KCNQ1OT1: variants seen among roughly 807,000 people sequenced by gnomAD.
The protein encoded by KCNQ1OT1 is KCNQ1 opposite strand/antisense transcript 1, also known as KCNQ1 antisense RNA 2 (non-protein coding).
At position 2,621,451 on chromosome 11, in the gene KCNQ1OT1, T is replaced by G; in HGVS notation, n.78544A>C. ...TTATGGATTCTGGACATAGGACCTTTGCCAGATGAATAGTTTGCAAATATT... is the reference window on the plus strand; with the variant it reads ...TTATGGATTCTGGACATAGGACCTTGGCCAGATGAATAGTTTGCAAATATT... On this transcript the variant is annotated non_coding_transcript_exon_variant, in exon 1 of 1. Transcript: ENST00000597346. This position sits in a 1 kb window ranked among gnomAD's most constrained non-coding sequence, Gnocchi z 5.7. 2.5e-6 allele frequency: 1 copy of G among 398,624 alleles called. No individual in the cohort carries two copies. 24.7% of individuals were successfully genotyped at this position (398,624 alleles called of 1,614,324 possible). A position where few individuals can be genotyped will look rare whatever the true frequency, so the allele number is the denominator to read the frequency against.
exon 1 of KCNQ1OT1, chr11:2,692,250 C>T (rs1850600459): frequency 2.5e-6 from 1 of 398,826 alleles, no homozygotes; most frequent in African/African-American, 2.1e-5. Context: ...AGCCCATCAC[C>T]AAGCCAGGCT....
At chr11:2,692,230 C>T (rs1459591286) in exon 1 of KCNQ1OT1, 4 of 398,900 alleles carry the variant, frequency 1.0e-5, no homozygotes, top group Non-Finnish European at 1.3e-5. Context: ...ACCACCTGCC[C>T]ATCACCTCAA....
chr11:2,636,644 C>A (rs1589995913), exon 1 of KCNQ1OT1: 1 of 152,028 alleles, frequency 6.6e-6, no homozygotes, highest in South Asian at 2.1e-4. Flanking sequence ...GTCTAAAATT[C>A]TCTTTTTTTG....
rs892126585 is a variant in KCNQ1OT1, at chr11:2,646,345, G to A, written n.53650C>T. ...TTCTTTCAATCCATGAGCATGGGAT[G>A]TCTCAAAAAATTTTGTAGCCTCTTC... On this transcript the variant is annotated non_coding_transcript_exon_variant, in exon 1 of 1. Transcript: ENST00000597346. 3.0e-5 allele frequency: 12 copies of A among 398,532 alleles called. No individual in the cohort carries two copies. The Admixed American group carries it at 3.1e-4, about 10-fold the overall frequency. The allele number at this position is 398,532 out of a possible 1,614,324, so 24.7% of individuals were successfully genotyped here. A position where few individuals can be genotyped will look rare whatever the true frequency, so the allele number is the denominator to read the frequency against.
At chr11:2,643,863 G>A (rs1464656253) in exon 1 of KCNQ1OT1, 2 of 398,404 alleles carry the variant, frequency 5.0e-6, no homozygotes, top group Non-Finnish European at 8.8e-6. Flanking sequence ...ACTTTGCTAA[G>A]TACAGTATTC....
At chr11:2,680,218 A>C (rs962323510) in exon 1 of KCNQ1OT1, 1 of 398,164 alleles carries the variant, frequency 2.5e-6, no homozygotes, top group African/African-American at 2.1e-5. Context: ...AAAAAAAAAA[A>C]AAAAAAAAAG....
At position 2,661,607 on chromosome 11, in the gene KCNQ1OT1, C is replaced by T. The variant is rs566388888; in HGVS notation, n.38388G>A. On this transcript the variant is annotated non_coding_transcript_exon_variant, in exon 1 of 1. Transcript: ENST00000597346. This position sits in a 1 kb window ranked among gnomAD's most constrained non-coding sequence, Gnocchi z 5.9. ...GCTGTTGTCCCTTACCAGGCCTGTG[C>T]CTGTCACCTCTGTTTTATTCTTGAC... The T allele has an allele frequency of 1.8e-4, 105 of 579,462 alleles. 1 individual carries two copies. In the South Asian group the frequency reaches 2.2e-3, roughly 12 times the overall value. 35.9% of individuals were successfully genotyped at this position (579,462 alleles called of 1,614,324 possible).
chr11:2,677,969 A>G lies in KCNQ1OT1; in HGVS notation n.22026T>C, dbSNP rs1850322826. Reference sequence around the variant, plus strand: ...ATGGTACACTGGAGCTTTAATTTACATTTCTTTTGTTGGAAATGAGGTTTT... The same window carrying G: ...ATGGTACACTGGAGCTTTAATTTACGTTTCTTTTGTTGGAAATGAGGTTTT... On this transcript the variant is annotated non_coding_transcript_exon_variant, in exon 1 of 1. Coordinates refer to ENST00000597346, the Ensembl canonical transcript of KCNQ1OT1. The surrounding 1 kb of genome is among the most constrained non-coding windows in gnomAD (Gnocchi z 4.5). 2.5e-6 allele frequency: 1 copy of G among 398,404 alleles called. No homozygotes were observed. The highest frequency in any genetic ancestry group is 4.4e-6 in the Non-Finnish European group (1 of 226,030). 24.7% of individuals were successfully genotyped at this position (398,404 alleles called of 1,614,324 possible).
At chr11:2,692,141 C>T in exon 1 of KCNQ1OT1, 1 of 398,726 alleles carries the variant, frequency 2.5e-6, no homozygotes, top group Non-Finnish European at 4.4e-6. Flanking sequence ...CTGAAGGCCC[C>T]TGTCCTTTCA....
exon 1 of KCNQ1OT1, chr11:2,644,053 A>G (rs1055525890): frequency 1.8e-5 from 7 of 398,372 alleles, no homozygotes; most frequent in Admixed American, 4.4e-5. Flanking sequence ...GGGATGGGCA[A>G]TTTGCTATAA....
chr11:2,672,287 T>A (rs1850198473), exon 1 of KCNQ1OT1: 1 of 398,550 alleles, frequency 2.5e-6, no homozygotes, highest in African/African-American at 2.1e-5. Flanking sequence ...CCCCACCAGC[T>A]GGGTGTGTGG....
In KCNQ1OT1 at chr11:2,642,506, A is replaced by G; in HGVS notation, n.57489T>C. The G allele has an allele frequency of 5.0e-6, 2 of 397,972 alleles. No homozygotes were observed. Among genetic ancestry groups the G allele is most frequent in the African/African-American group, 2.1e-5 (1 of 48,736 alleles). The allele number at this position is 397,972 out of a possible 1,614,324, so 24.7% of individuals were successfully genotyped here. A position where few individuals can be genotyped will look rare whatever the true frequency, so the allele number is the denominator to read the frequency against. ...AGTTTTGATTTTTGTATTTCATGGT[A>G]TGAGTTGTAATATCCCCTTTTTCAT... On this transcript the variant is annotated non_coding_transcript_exon_variant, in exon 1 of 1. Coordinates refer to ENST00000597346, the Ensembl canonical transcript of KCNQ1OT1. This position sits in a 1 kb window ranked among gnomAD's most constrained non-coding sequence, Gnocchi z 4.3.
chr11:2,662,011 A>G (rs1564849113), exon 1 of KCNQ1OT1: 1 of 1,614,150 alleles, frequency 6.2e-7, no homozygotes, highest in South Asian at 1.1e-5. Flanking sequence ...TTTCATGAGA[A>G]CCAACAGCTT....
rs2133799473 is a variant in KCNQ1OT1 at position 2,617,672 on chromosome 11, C to A, written n.82323G>T. ...CATTATGACTGCACCAATCTACAGT[C>A]CCACCAACACTGTACAAGAGTTCCC... On this transcript the variant is annotated non_coding_transcript_exon_variant, in exon 1 of 1. Transcript: ENST00000597346. This position sits in a 1 kb window ranked among gnomAD's most constrained non-coding sequence, Gnocchi z 4.6. 1 of 398,474 alleles carries A rather than the reference C, an allele frequency of 2.5e-6. No individual in the cohort carries two copies. The highest frequency in any genetic ancestry group is 3.6e-5 in the East Asian group (1 of 28,052). The allele number at this position is 398,474 out of a possible 1,614,324, so 24.7% of individuals were successfully genotyped here.
chr11:2,629,292 C>T (rs1248649846), exon 1 of KCNQ1OT1: 1 of 398,166 alleles, frequency 2.5e-6, no homozygotes, highest in African/African-American at 2.1e-5. Flanking sequence ...TTTTCAGTGT[C>T]TAGGTCTTTT....
Position 2,664,055 on chromosome 11 carries a change from G to A in KCNQ1OT1, n.35940C>T, listed in dbSNP as rs1409060743. The A allele has an allele frequency of 1.0e-5, 4 of 398,630 alleles. No individual in the cohort carries two copies. Among genetic ancestry groups the A allele is most frequent in the African/African-American group, 2.1e-5 (1 of 48,636 alleles). The allele number at this position is 398,630 out of a possible 1,614,324, so 24.7% of individuals were successfully genotyped here. A position where few individuals can be genotyped will look rare whatever the true frequency, so the allele number is the denominator to read the frequency against. ...AGCCTTTTCAGGTTGGCACTCCCAT[G>A]GCCTCCAGTGATAAGTGGGCCCAGG... is the stretch of plus-strand genomic sequence containing the variant. On this transcript the variant is annotated non_coding_transcript_exon_variant, in exon 1 of 1. Transcript: ENST00000597346. This position sits in a 1 kb window ranked among gnomAD's most constrained non-coding sequence, Gnocchi z 5.1.
chr11:2,641,285 A>G (rs1197824403), exon 1 of KCNQ1OT1: 4 of 398,372 alleles, frequency 1.0e-5, no homozygotes, highest in Middle Eastern at 6.2e-4. Flanking sequence ...AACAGTGTAT[A>G]AGAGTTCCCT....
At position 2,682,397 on chromosome 11, in the gene KCNQ1OT1, T is replaced by G. The variant is rs926798879; in HGVS notation, n.17598A>C. ...ATTCAAGGAGCATGAGGGTATAGGC[T>G]GGCTGTTTCTATTCAGTGTTTTATC... On this transcript the variant is annotated non_coding_transcript_exon_variant, in exon 1 of 1. Transcript: ENST00000597346. The surrounding 1 kb of genome is among the most constrained non-coding windows in gnomAD (Gnocchi z 5.8). 1.0e-5 allele frequency: 4 copies of G among 398,580 alleles called. No individual in the cohort carries two copies. The highest frequency in any genetic ancestry group is 1.8e-5 in the Non-Finnish European group (4 of 226,100). The allele number at this position is 398,580 out of a possible 1,614,324, so 24.7% of individuals were successfully genotyped here.
At position 2,682,926 on chromosome 11, in the gene KCNQ1OT1, C is replaced by G. The variant is rs1188232210; in HGVS notation, n.17069G>C. The G allele has an allele frequency of 5.0e-6, 2 of 398,432 alleles. No homozygotes were observed. Among genetic ancestry groups the G allele is most frequent in the Non-Finnish European group, 8.8e-6 (2 of 226,074 alleles). 24.7% of individuals were successfully genotyped at this position (398,432 alleles called of 1,614,324 possible). A position where few individuals can be genotyped will look rare whatever the true frequency, so the allele number is the denominator to read the frequency against. On this transcript the variant is annotated non_coding_transcript_exon_variant, in exon 1 of 1. Coordinates refer to ENST00000597346, the Ensembl canonical transcript of KCNQ1OT1. This position sits in a 1 kb window ranked among gnomAD's most constrained non-coding sequence, Gnocchi z 5.8. The stretch of plus-strand genomic sequence containing the variant: ...AAATGGTGGCACCTGGAGAGGTGCT[C>G]AGGTCTGTGTGGAAGAAAGGACAGG...
Sources: allele counts gnomAD v4.1 joint callset, GRCh38; gene constraint gnomAD v4.1.1; non-coding constraint Gnocchi (gnomAD v3.1); transcripts MANE v1.5; gene names NCBI Gene and HGNC (gene_info 2026-07-23, HGNC 2026-07-21).